The following RALGAPB variants were observed in gnomAD, a reference collection of about 807,000 sequenced individuals.
RALGAPB encodes Ral GTPase activating protein non-catalytic subunit beta.
RALGAPB carries 25 observed loss-of-function variants against 161.1 expected under a neutral mutation model. That is an observed-to-expected ratio of 0.16 (90% CI 0.11 to 0.22). The LOEUF (loss-of-function observed/expected upper bound fraction) is 0.22, where lower values mean the gene tolerates loss of function less well. Among genes scored for constraint, RALGAPB ranks in the 10% least tolerant of loss-of-function variants. The pLI is 1.00. For missense variants in RALGAPB, 1,391 were observed against 1,815.2 expected, an observed-to-expected ratio of 0.77 and a Z score of 4.25; for synonymous variants, 629 against 626.1, an observed-to-expected ratio of 1.00 and a Z score of -0.07.
At position 38,517,713 on chromosome 20, in the gene RALGAPB, C is replaced by G. The variant is rs6123794; in HGVS notation, c.1200+59C>G. ...AAGGTTGGCTTTTTAATCTGCCATT[C>G]TTTTTATAAAGTCTTGCTATTTTCT... On this transcript the variant is annotated intron_variant, in intron 8 of 29. Transcript: ENST00000262879. 88 of 1,605,972 alleles carry G rather than the reference C, an allele frequency of 5.5e-5. 1 individual carries two copies. In the East Asian group the frequency reaches 1.8e-3, roughly 33 times the overall value.
chr20:38,567,389 CT>C (rs1162189036), intron 26 of RALGAPB, among the ~76,000 whole-genome samples, 157 bp downstream of exon 26: 1 of 152,138 alleles, frequency 6.6e-6, no homozygotes, highest in East Asian at 1.9e-4. Flanking sequence ...ACGATTTTCT[CT>C]TTTTCAGCCT....
intron 5 of RALGAPB, 28 bp downstream of exon 5, chr20:38,499,661 C>T: frequency 6.3e-7 from 1 of 1,584,312 alleles, no homozygotes; most frequent in South Asian, 1.2e-5. Context: ...CCCTGCCTTC[C>T]TTCACCTGTC....
intron 6 of RALGAPB, among the ~76,000 whole-genome samples, chr20:38,514,110 G>A (rs1054087054): frequency 1.3e-5 from 2 of 152,214 alleles, no homozygotes; most frequent in Admixed American, 1.3e-4. Flanking sequence ...GTGAGAAAAA[G>A]AGATTATGTG....
intron 20 of RALGAPB, among the ~76,000 whole-genome samples, chr20:38,550,233 A>G (rs1422668854): frequency 6.6e-6 from 1 of 152,212 alleles, no homozygotes; most frequent in Non-Finnish European, 1.5e-5. Context: ...AGCATGTCAC[A>G]TGTATACATA....
chr20:38,553,744 C>G (rs1227733210), intron 21 of RALGAPB, 123 bp from the exon 22 acceptor site: 21 of 739,818 alleles, frequency 2.8e-5, no homozygotes, highest in Non-Finnish European at 4.0e-5. Flanking sequence ...CCCAGGAGTT[C>G]AAGACCAGCT....
At chr20:38,518,825 C>G (rs931933098) in intron 9 of RALGAPB, among the ~76,000 whole-genome samples, 5 of 152,114 alleles carry the variant, frequency 3.3e-5, no homozygotes, top group African/African-American at 1.2e-4. Flanking sequence ...AACCACTCTT[C>G]TACTGGGGTT....
At chr20:38,473,504 C>T (rs1161623746) in intron 1 of RALGAPB, among the ~76,000 whole-genome samples, 1 of 152,212 alleles carries the variant, frequency 6.6e-6, no homozygotes, top group Non-Finnish European at 1.5e-5. Flanking sequence ...AGCTAACCCC[C>T]ATTAAGCGCT....
Position 38,574,846 on chromosome 20 carries a change from C to T in RALGAPB, c.4364C>T (p.Pro1455Leu), listed in dbSNP as rs557814523. The T allele has an allele frequency of 3.7e-6, 6 of 1,613,726 alleles. No individual in the cohort carries two copies. The African/African-American group carries it at 4.0e-5, about 11-fold the overall frequency. ...CTGGAAAGTGACTCCTACAGTCCCC[C>T]CCATGTCCGCCGGAAACAGAAAATC... ...KRLESDSYSP[P>L]HVRRKQKITD... The change falls in exon 30 of 30, where the codon CCC (proline) becomes CTC (leucine). Residue 1455 changes from proline (P) to leucine (L), a missense_variant. Around this residue, in one of 3 missense-constraint regions of RALGAPB, gnomAD observed 436 missense variants for 527.0 expected, o/e 0.83. Transcript: ENST00000262879.
At chr20:38,572,790 AAAC>A (rs1191182714) in intron 28 of RALGAPB, among the ~76,000 whole-genome samples, 1 of 152,238 alleles carries the variant, frequency 6.6e-6, no homozygotes, top group Non-Finnish European at 1.5e-5. Flanking sequence ...TCAGATAGCT[AAAC>A]AACATCGCAA....
At chr20:38,553,399 G>A (rs375586171) in intron 21 of RALGAPB, among the ~76,000 whole-genome samples, 8 of 152,260 alleles carry the variant, frequency 5.3e-5, no homozygotes, top group South Asian at 2.1e-4. Flanking sequence ...ATCTGCAAGC[G>A]AGGGGTGAGA....
At chr20:38,484,414 C>T (rs2085060357) in intron 1 of RALGAPB, among the ~76,000 whole-genome samples, 1 of 152,338 alleles carries the variant, frequency 6.6e-6, no homozygotes, top group Admixed American at 6.5e-5. Context: ...GTATACACTT[C>T]ACTATCCTCT....
Position 38,488,403 on chromosome 20 carries a change from G to C in RALGAPB, c.-30G>C. 18 of 1,567,410 alleles carry C rather than the reference G, an allele frequency of 1.1e-5. No homozygotes were observed. Among genetic ancestry groups the C allele is most frequent in the Non-Finnish European group, 1.5e-5 (17 of 1,148,916 alleles). On this transcript the variant is annotated splice_region_variant and 5_prime_UTR_variant, in exon 2 of 30. Transcript: ENST00000262879. The stretch of plus-strand genomic sequence containing the variant: ...ATGCATTTCTGTTTTGTCTTTTCAG[G>C]TGCCATTTGGATTGTACTTTAGTGG...
At chr20:38,560,541 C>G (rs1018287377) in intron 23 of RALGAPB, among the ~76,000 whole-genome samples, 6 of 152,034 alleles carry the variant, frequency 3.9e-5, no homozygotes, top group Admixed American at 1.3e-4. Flanking sequence ...GAGATGAGAC[C>G]GATGGAGTCA....
At chr20:38,482,426 C>CCTT (rs2084995339) in intron 1 of RALGAPB, among the ~76,000 whole-genome samples, 1 of 121,386 alleles carries the variant, frequency 8.2e-6, no homozygotes, top group South Asian at 2.6e-4. Flanking sequence ...GTATGTTTAT[C>CCTT]TTTTTTTTTT....
At position 38,497,504 on chromosome 20, in the gene RALGAPB, C is replaced by T. The variant is rs1489303886; in HGVS notation, c.541C>T (p.Pro181Ser). 6.2e-7 allele frequency: 1 copy of T among 1,609,162 alleles called. No individual in the cohort carries two copies. Among genetic ancestry groups the T allele is most frequent in the Non-Finnish European group, 8.5e-7 (1 of 1,178,524 alleles). The stretch of plus-strand genomic sequence containing the variant: ...GATTAACGACATACTTCTGGCCCCA[C>T]CAACTGTTCAAGGTTTGTTTATTTT... ...LQINDILLAP[P>S]TVQGGIAENL... The change falls in exon 4 of 30, where the codon CCA becomes TCA. Residue 181 changes from proline to serine, a missense_variant. Physicochemically the swap from Pro to Ser is moderately conservative, Grantham distance 74. This residue lies in a region of RALGAPB where 946 missense variants were observed against 1,257.2 expected (regional missense o/e 0.75). Transcript: ENST00000262879.
At chr20:38,554,854 G>A (rs576420456) in intron 22 of RALGAPB, among the ~76,000 whole-genome samples, 4 of 152,302 alleles carry the variant, frequency 2.6e-5, no homozygotes, top group South Asian at 4.2e-4. Context: ...AAGGCAGGAG[G>A]ATCACATGAG....
At chr20:38,495,789 T>C (rs1325224137) in intron 3 of RALGAPB, among the ~76,000 whole-genome samples, 2 of 152,202 alleles carry the variant, frequency 1.3e-5, no homozygotes, top group Non-Finnish European at 2.9e-5. Context: ...CTTTAGAACT[T>C]TGGACCCTGC....
Position 38,473,007 on chromosome 20 carries a change from A to C in RALGAPB, c.-93A>C, listed in dbSNP as rs2084694124. 1 of 396,322 alleles carries C rather than the reference A, an allele frequency of 2.5e-6. No homozygotes were observed. Among genetic ancestry groups the C allele is most frequent in the South Asian group, 1.3e-4 (1 of 7,844 alleles). 24.6% of individuals were successfully genotyped at this position (396,322 alleles called of 1,614,324 possible). A position where few individuals can be genotyped will look rare whatever the true frequency, so the allele number is the denominator to read the frequency against. On this transcript the variant is annotated 5_prime_UTR_variant, in exon 1 of 30. Transcript: ENST00000262879. ...CTATGGCGCGGGTCGCGTGAGGCGGAAGGCCGAGGACGGCCGGCGGCGGCG... is the reference window on the plus strand; with the variant it reads ...CTATGGCGCGGGTCGCGTGAGGCGGCAGGCCGAGGACGGCCGGCGGCGGCG...
Position 38,510,681 on chromosome 20 carries a change from C to T in RALGAPB, c.872+1473C>T, listed in dbSNP as rs568052706. On this transcript the variant is annotated intron_variant, in intron 6 of 29. Transcript: ENST00000262879. The stretch of plus-strand genomic sequence containing the variant: ...ATCCCAGCACTTTGGGAGGCCGAGG[C>T]GGGCGGATCACGAGGTCAGGAGATC... 6.7e-5 allele frequency among the ~76,000 whole-genome samples: 8 copies of T among 120,074 alleles called. 1 individual carries two copies. The highest frequency in any genetic ancestry group is 1.1e-4 in the Non-Finnish European group (7 of 65,120). The allele number at this position is 120,074 out of a possible 152,430, so 78.8% of individuals were successfully genotyped here.
Sources: gnomAD v4.1 joint callset for allele counts (sites outside exome capture counted in the v4.1 genomes callset) on GRCh38, gnomAD v4.1.1 for gene constraint, gnomAD v4.1.1 regional missense constraint, MANE v1.5 for transcripts, NCBI Gene and HGNC (gene_info 2026-07-23, HGNC 2026-07-21) for gene names.